Variants in MAML3 observed in about 807,000 individuals in gnomAD.
The protein encoded by MAML3 is mastermind like transcriptional coactivator 3, also known as mastermind-like protein 3.
In MAML3, 27 loss-of-function variants were observed where a neutral mutation model predicts 101.9. The ratio of observed to expected loss-of-function variants is 0.27; its 90% CI spans 0.20 to 0.37. The LOEUF is 0.37. MAML3 is among the 10% of genes least tolerant of loss of function. The pLI is 1.00. For missense variants in MAML3, 1,316 were observed against 1,444.9 expected (o/e 0.91, Z 1.45); for synonymous variants, 501 against 555.9 (o/e 0.90, Z 1.39).
chr4:139,900,974 A>T (rs901236761), intron 1 of MAML3, among the ~76,000 whole-genome samples: 1 of 152,296 alleles, frequency 6.6e-6, no homozygotes, highest in Admixed American at 6.5e-5. Context: ...GCACAGCCCT[A>T]CTCAGTTATG....
chr4:139,965,991 G>C (rs1246008907), intron 1 of MAML3, among the ~76,000 whole-genome samples: 1 of 152,166 alleles, frequency 6.6e-6, no homozygotes, highest in Non-Finnish European at 1.5e-5. Flanking sequence ...TAATTAACTT[G>C]AAGAAAAACA....
intron 1 of MAML3, among the ~76,000 whole-genome samples, chr4:140,149,662 G>A (rs1490835319): frequency 2.0e-5 from 3 of 152,144 alleles, no homozygotes; most frequent in Admixed American, 6.5e-5. Flanking sequence ...TTATATCACC[G>A]TTATTATTAT....
chr4:139,849,913 T>C (rs1451142921), intron 2 of MAML3, among the ~76,000 whole-genome samples: 1 of 152,352 alleles, frequency 6.6e-6, no homozygotes, highest in East Asian at 1.9e-4. Flanking sequence ...AATGATCTTA[T>C]GAAGAAACAT....
At chr4:139,928,487 G>T (rs1411243285) in intron 1 of MAML3, among the ~76,000 whole-genome samples, 1 of 152,132 alleles carries the variant, frequency 6.6e-6, no homozygotes. Flanking sequence ...AGAGGAAGGA[G>T]AAATGCACTC....
chr4:139,811,755 C>T (rs570702583), intron 2 of MAML3, among the ~76,000 whole-genome samples: 4 of 152,122 alleles, frequency 2.6e-5, no homozygotes, highest in Non-Finnish European at 5.9e-5. Context: ...TCTCACACTC[C>T]ACAAAAATGA....
intron 1 of MAML3, among the ~76,000 whole-genome samples, chr4:139,989,862 CACACACACACACACACACACAGAGAG>C (rs1734626606): frequency 1.2e-5 from 1 of 81,592 alleles, no homozygotes; most frequent in African/African-American, 4.7e-5. Flanking sequence ...CACACACACA[CACACACACACACACACACACAGAGAG>C]AGAGAGAGAG....
At chr4:139,887,391 C>T (rs911716691) in intron 2 of MAML3, among the ~76,000 whole-genome samples, 2 of 152,188 alleles carry the variant, frequency 1.3e-5, no homozygotes, top group African/African-American at 2.4e-5. Flanking sequence ...GAAAATACTT[C>T]GTGAGACGAG....
At chr4:140,142,217 G>A (rs1308832218) in intron 1 of MAML3, among the ~76,000 whole-genome samples, 1 of 152,022 alleles carries the variant, frequency 6.6e-6, no homozygotes, top group East Asian at 1.9e-4. Context: ...CATTTATGTA[G>A]AAAAAATGAA....
chr4:139,806,687 AAT>A (rs1314011844), intron 2 of MAML3, among the ~76,000 whole-genome samples: 1 of 152,238 alleles, frequency 6.6e-6, no homozygotes, highest in Non-Finnish European at 1.5e-5. Context: ...AAACAACTAA[AAT>A]GTTCAACAAT....
chr4:139,935,952 G>C (rs549731743), intron 1 of MAML3, among the ~76,000 whole-genome samples: 1 of 152,212 alleles, frequency 6.6e-6, no homozygotes, highest in East Asian at 1.9e-4. Flanking sequence ...ACTGACTGTA[G>C]TTACCATATT....
chr4:139,800,257 A>G (rs1252186358), intron 2 of MAML3, among the ~76,000 whole-genome samples: 1 of 152,300 alleles, frequency 6.6e-6, no homozygotes. Context: ...GAACAGGAAG[A>G]AGGCCATTTC....
chr4:139,757,889 C>T (rs1046569051), intron 2 of MAML3, among the ~76,000 whole-genome samples: 2 of 152,140 alleles, frequency 1.3e-5, no homozygotes, highest in African/African-American at 2.4e-5. Context: ...TCTAGTATCA[C>T]ACCCAGGAAG....
chr4:140,029,683 C>T (rs10027385), intron 1 of MAML3, among the ~76,000 whole-genome samples: 4,800 of 152,218 alleles, frequency 0.032, 253 homozygotes, highest in African/African-American at 0.11. Context: ...TATGTGTCTT[C>T]TAAAAAGACT....
chr4:139,998,772 T>C (rs1165111987), intron 1 of MAML3, among the ~76,000 whole-genome samples: 2 of 152,234 alleles, frequency 1.3e-5, no homozygotes, highest in Non-Finnish European at 2.9e-5. Context: ...TGGCCTGGAT[T>C]AATTCTGTGA....
intron 1 of MAML3, among the ~76,000 whole-genome samples, chr4:140,007,767 C>G (rs375189417): frequency 1.3e-5 from 2 of 152,142 alleles, no homozygotes; most frequent in East Asian, 3.9e-4. Context: ...AATTCTTGAC[C>G]CTGTGCCTTC....
chr4:140,125,783 G>A (rs936839514), intron 1 of MAML3, among the ~76,000 whole-genome samples: 1 of 151,950 alleles, frequency 6.6e-6, no homozygotes, highest in Non-Finnish European at 1.5e-5. Flanking sequence ...TTTTGTTGTT[G>A]TTGTTGTTGT....
At chr4:139,931,046 C>T (rs1477195575) in intron 1 of MAML3, among the ~76,000 whole-genome samples, 2 of 152,132 alleles carry the variant, frequency 1.3e-5, no homozygotes, top group Non-Finnish European at 2.9e-5. Context: ...TTTCTTCTTT[C>T]TCCTAAGGTT....
At chr4:139,786,403 T>C (rs966957493) in intron 2 of MAML3, among the ~76,000 whole-genome samples, 25 of 152,120 alleles carry the variant, frequency 1.6e-4, no homozygotes, top group African/African-American at 6.0e-4. Flanking sequence ...TCAGGCATCA[T>C]TTTAGCTGAT....
At chr4:139,980,600 C>G (rs10519515) in intron 1 of MAML3, among the ~76,000 whole-genome samples, 1 of 151,870 alleles carries the variant, frequency 6.6e-6, no homozygotes, top group Non-Finnish European at 1.5e-5. Flanking sequence ...GTCTAATGAT[C>G]GAGTTAAGTT....
Sources: gnomAD v4.1 joint callset for allele counts (sites outside exome capture counted in the v4.1 genomes callset) on GRCh38, gnomAD v4.1.1 for gene constraint, MANE v1.5 for transcripts, NCBI Gene and HGNC (gene_info 2026-07-23, HGNC 2026-07-21) for gene names.